The following PLPPR1 variants were observed in gnomAD, a reference collection of about 807,000 sequenced individuals.
PLPPR1 encodes the protein phospholipid phosphatase related 1.
Under a neutral mutation model 33.1 loss-of-function variants are expected in PLPPR1, and 10 were observed. That is an observed-to-expected ratio of 0.30 (90% CI 0.19 to 0.51). The LOEUF (loss-of-function observed/expected upper bound fraction) is 0.51. PLPPR1 is among the 20% of genes least tolerant of loss of function. The pLI is 0.97. For missense variants in PLPPR1, 304 were observed against 408.1 expected (o/e 0.74, Z 2.20); for synonymous variants, 151 against 151.0 (o/e 1.00, Z 0.00).
At chr9:101,140,286 T>C (rs548763073) in intron 1 of PLPPR1, among the ~76,000 whole-genome samples, 2 of 152,304 alleles carry the variant, frequency 1.3e-5, no homozygotes, top group East Asian at 3.9e-4. Flanking sequence ...TGCTGAAATG[T>C]ACAGAAGCCA....
intron 6 of PLPPR1, among the ~76,000 whole-genome samples, chr9:101,316,648 C>G (rs1471730532): frequency 4.0e-5 from 4 of 100,372 alleles, no homozygotes; most frequent in African/African-American, 9.3e-5. Context: ...ATGGTAGAAA[C>G]AGTCAGTTAT....
At chr9:101,209,639 C>T (rs1421523786) in intron 2 of PLPPR1, among the ~76,000 whole-genome samples, 1 of 152,130 alleles carries the variant, frequency 6.6e-6, no homozygotes, top group Non-Finnish European at 1.5e-5. Context: ...AGGGTAAAAC[C>T]TGCAACATAG....
chr9:101,311,762 A>G (rs1828960420), intron 5 of PLPPR1, among the ~76,000 whole-genome samples: 1 of 152,218 alleles, frequency 6.6e-6, no homozygotes, highest in Admixed American at 6.5e-5. Flanking sequence ...ATTTTAACTT[A>G]TATGTGCTCA....
At chr9:101,262,617 C>T (rs1176678475) in intron 2 of PLPPR1, among the ~76,000 whole-genome samples, 2 of 152,050 alleles carry the variant, frequency 1.3e-5, no homozygotes, top group African/African-American at 2.4e-5. Context: ...GGATCTAGAA[C>T]CAGAAATACC....
chr9:101,238,223 C>T (rs1302457902), intron 2 of PLPPR1, among the ~76,000 whole-genome samples: 2 of 134,370 alleles, frequency 1.5e-5, no homozygotes, highest in African/African-American at 2.7e-5. Context: ...TATATATATA[C>T]ACCTCTCTAT....
At chr9:101,163,037 T>C (rs1157613380) in intron 1 of PLPPR1, among the ~76,000 whole-genome samples, 1 of 152,218 alleles carries the variant, frequency 6.6e-6, no homozygotes, top group Non-Finnish European at 1.5e-5. Flanking sequence ...AAATTATTCA[T>C]ATTTAAATCT....
At chr9:101,296,449 G>C (rs901313742) in intron 4 of PLPPR1, among the ~76,000 whole-genome samples, 1 of 151,592 alleles carries the variant, frequency 6.6e-6, no homozygotes, top group African/African-American at 2.4e-5. Context: ...CCATTACTGG[G>C]TATATACCCA....
At chr9:101,249,721 A>G (rs1827682813) in intron 2 of PLPPR1, among the ~76,000 whole-genome samples, 1 of 152,096 alleles carries the variant, frequency 6.6e-6, no homozygotes, top group Non-Finnish European at 1.5e-5. Flanking sequence ...AGCGTTATGA[A>G]ATGGTACAGG....
intron 1 of PLPPR1, among the ~76,000 whole-genome samples, chr9:101,167,141 G>GGTGTGTGTGTGTGT (rs756843224): frequency 0.016 from 638 of 39,726 alleles, 46 homozygotes; most frequent in South Asian, 0.022. Flanking sequence ...TATGTCTCTC[G>GGTGTGTGTGTGTGT]GTGTGTGTGT....
intron 2 of PLPPR1, among the ~76,000 whole-genome samples, chr9:101,258,820 T>C (rs553590209): frequency 6.6e-6 from 1 of 152,250 alleles, no homozygotes; most frequent in South Asian, 2.1e-4. Flanking sequence ...TTATTGACTA[T>C]CAGAAACTTG....
intron 2 of PLPPR1, among the ~76,000 whole-genome samples, chr9:101,251,009 A>C (rs1827704099): frequency 6.6e-6 from 1 of 152,044 alleles, no homozygotes; most frequent in East Asian, 1.9e-4. Flanking sequence ...AGCTGATCAC[A>C]TACTCTGATG....
Position 101,286,099 on chromosome 9 carries a change from C to T in PLPPR1, c.253-5C>T, listed in dbSNP as rs759757703. On this transcript the variant is annotated splice_region_variant and splice_polypyrimidine_tract_variant and intron_variant, in intron 3 of 7. Transcript: ENST00000374874. Reference sequence around the variant, plus strand: ...CTTGACATTTCTTAAACATTCCTTCCCTAGATTTTTATTGGTGAGATATCC... The same window carrying T: ...CTTGACATTTCTTAAACATTCCTTCTCTAGATTTTTATTGGTGAGATATCC... The T allele has an allele frequency of 4.6e-5, 74 of 1,610,622 alleles. No homozygotes were observed. The highest frequency in any genetic ancestry group is 6.2e-5 in the Non-Finnish European group (73 of 1,177,750).
chr9:101,029,632 GGT>G (rs1269072955), intron 1 of PLPPR1, among the ~76,000 whole-genome samples: 1 of 152,188 alleles, frequency 6.6e-6, no homozygotes, highest in East Asian at 1.9e-4. Context: ...CGCATAGTGG[GGT>G]GTGTGTGTCA....
At chr9:101,271,263 C>T (rs185099552) in intron 3 of PLPPR1, among the ~76,000 whole-genome samples, 2 of 152,272 alleles carry the variant, frequency 1.3e-5, no homozygotes, top group Non-Finnish European at 2.9e-5. Context: ...ACTGTTCCCT[C>T]CCATACAAAA....
chr9:101,206,101 C>T lies in PLPPR1; in HGVS notation c.63+20544C>T, dbSNP rs546307604. Among the ~76,000 whole-genome samples, 4 of 152,266 alleles carry T rather than the reference C, an allele frequency of 2.6e-5. No homozygotes were observed. The South Asian group carries it at 8.3e-4, about 32-fold the overall frequency. On this transcript the variant is annotated intron_variant, in intron 2 of 7. Coordinates refer to ENST00000374874, the MANE Select transcript of PLPPR1 (RefSeq NM_207299.2). ...AGAATTGTTAAAGTCTTAGTGAATA[C>T]AGAATTTAGGGGAACTAGCTCATTT...
chr9:101,139,338 G>C (rs954387898), intron 1 of PLPPR1, among the ~76,000 whole-genome samples: 2 of 152,136 alleles, frequency 1.3e-5, no homozygotes, highest in African/African-American at 2.4e-5. Flanking sequence ...GAGCTAATGA[G>C]GGGTGTGTGC....
intron 1 of PLPPR1, among the ~76,000 whole-genome samples, chr9:101,110,109 A>G (rs1294482580): frequency 1.3e-5 from 2 of 152,252 alleles, no homozygotes; most frequent in Non-Finnish European, 2.9e-5. Context: ...AGTGAATAAT[A>G]TAAATTACAA....
intron 2 of PLPPR1, among the ~76,000 whole-genome samples, chr9:101,226,879 G>A (rs1827081047): frequency 6.6e-6 from 1 of 152,122 alleles, no homozygotes; most frequent in Non-Finnish European, 1.5e-5. Context: ...CTAGAAAAGA[G>A]GAACAAAATG....
chr9:101,141,440 G>A (rs560931330), intron 1 of PLPPR1, among the ~76,000 whole-genome samples: 1 of 152,240 alleles, frequency 6.6e-6, no homozygotes, highest in Admixed American at 6.5e-5. Flanking sequence ...TGGAGGATTA[G>A]AGAGATTAAG....
Sources: gnomAD v4.1 joint callset for allele counts (sites outside exome capture counted in the v4.1 genomes callset) on GRCh38, gnomAD v4.1.1 for gene constraint, MANE v1.5 for transcripts, NCBI Gene and HGNC (gene_info 2026-07-23, HGNC 2026-07-21) for gene names.